GRM8: variants seen among roughly 807,000 people sequenced by gnomAD.
The protein encoded by GRM8 is metabotropic glutamate receptor 8.
A neutral mutation model predicts 87.2 loss-of-function variants in GRM8; 47 were observed. The ratio of observed to expected loss-of-function variants is 0.54; its 90% CI spans 0.43 to 0.69. The LOEUF (loss-of-function observed/expected upper bound fraction) is 0.69, where lower values mean the gene tolerates loss of function less well. GRM8 is among the 30% of genes least tolerant of loss of function. The probability of loss-of-function intolerance (pLI) is 0.00; values close to 1 mark genes in which losing one functional copy is unlikely to be tolerated. For synonymous variants in GRM8, 396 were observed against 404.5 expected, an observed-to-expected ratio of 0.98 and a Z score of 0.25; for missense variants, 1,019 against 1,139.2, an observed-to-expected ratio of 0.89 and a Z score of 1.52.
At chr7:126,758,828 G>C (rs1294909111) in intron 7 of GRM8, among the ~76,000 whole-genome samples, 1 of 152,042 alleles carries the variant, frequency 6.6e-6, no homozygotes, top group African/African-American at 2.4e-5. Context: ...AATCCCTTAA[G>C]CATAGTAATT....
chr7:126,744,363 T>C (rs1815382508), intron 7 of GRM8, among the ~76,000 whole-genome samples: 1 of 152,116 alleles, frequency 6.6e-6, no homozygotes, highest in South Asian at 2.1e-4. Flanking sequence ...CAGAATTTTC[T>C]GCCAATGATA....
intron 2 of GRM8, among the ~76,000 whole-genome samples, chr7:127,240,556 G>C (rs1798233065): frequency 6.6e-6 from 1 of 152,144 alleles, no homozygotes; most frequent in Non-Finnish European, 1.5e-5. Flanking sequence ...GGATTCACAG[G>C]AATTACAATG....
chr7:126,796,961 G>A (rs1219906570), intron 6 of GRM8, among the ~76,000 whole-genome samples: 4 of 151,950 alleles, frequency 2.6e-5, no homozygotes, highest in Non-Finnish European at 2.9e-5. Flanking sequence ...AAATATACAC[G>A]ATGCCCAGTT....
intron 7 of GRM8, among the ~76,000 whole-genome samples, chr7:126,665,965 T>C (rs1585432844): frequency 1.3e-5 from 2 of 152,062 alleles, no homozygotes; most frequent in East Asian, 3.9e-4. Flanking sequence ...AGAGGAAACA[T>C]GGGTTTTTAA....
In GRM8 at chr7:126,846,864, G is replaced by A. The variant is rs138052632; in HGVS notation, c.1156+55678C>T. On this transcript the variant is annotated intron_variant, in intron 6 of 10. Coordinates refer to ENST00000339582, the MANE Select transcript of GRM8 (RefSeq NM_000845.3). ...TCTCATGTTACCCAGTGTGGACCACGGCCAGAACACACATCAAAAACACAA... is the reference window on the plus strand; with the variant it reads ...TCTCATGTTACCCAGTGTGGACCACAGCCAGAACACACATCAAAAACACAA... Among the ~76,000 whole-genome samples, 1,066 of 152,090 alleles carry A rather than the reference G, an allele frequency of 7.0e-3. 7 individuals are homozygous for A. Among genetic ancestry groups the A allele is most frequent in the Non-Finnish European group, 0.011 (736 of 67,968 alleles).
intron 3 of GRM8, among the ~76,000 whole-genome samples, chr7:126,951,419 C>T (rs2131607086): frequency 6.6e-6 from 1 of 152,122 alleles, no homozygotes; most frequent in East Asian, 1.9e-4. Flanking sequence ...TCATATTTTT[C>T]ACATGCCCCT....
At chr7:126,498,214 T>C (rs751753851) in intron 9 of GRM8, among the ~76,000 whole-genome samples, 1 of 151,952 alleles carries the variant, frequency 6.6e-6, no homozygotes, top group Non-Finnish European at 1.5e-5. Context: ...AAGCTGCAAG[T>C]ACTTTAAGAA....
At chr7:126,633,610 TA>T (rs1341735705) in intron 7 of GRM8, among the ~76,000 whole-genome samples, 1 of 152,176 alleles carries the variant, frequency 6.6e-6, no homozygotes, top group Non-Finnish European at 1.5e-5. Flanking sequence ...TTATATCATT[TA>T]ATCTTAAATG....
At chr7:126,820,204 T>A (rs946098694) in intron 6 of GRM8, among the ~76,000 whole-genome samples, 3 of 152,210 alleles carry the variant, frequency 2.0e-5, no homozygotes, top group Admixed American at 1.3e-4. Flanking sequence ...ATAAAATATT[T>A]GAAATACACC....
intron 5 of GRM8, among the ~76,000 whole-genome samples, chr7:126,903,635 GTATATATATAGGTATATGTGTA>G (rs1802343508): frequency 1.1e-5 from 1 of 91,240 alleles, no homozygotes; most frequent in Middle Eastern, 6.2e-3. Flanking sequence ...ATGTATATGT[GTATATATATAGGTATATGTGTA>G]TATATATATG....
intron 6 of GRM8, chr7:126,869,126 C>A (rs1332725997): frequency 6.6e-6 from 1 of 152,144 alleles, no homozygotes; most frequent in Non-Finnish European, 1.5e-5. Flanking sequence ...TGTCAATAAA[C>A]CATTTTCTTT....
chr7:126,492,554 T>G (rs1440932622), intron 9 of GRM8, among the ~76,000 whole-genome samples: 1 of 152,096 alleles, frequency 6.6e-6, no homozygotes, highest in Non-Finnish European at 1.5e-5. Context: ...GTTTTCTGTC[T>G]CTGAAACTTT....
At chr7:126,487,138 C>A (rs1252634730) in intron 9 of GRM8, among the ~76,000 whole-genome samples, 1 of 151,870 alleles carries the variant, frequency 6.6e-6, no homozygotes, top group African/African-American at 2.4e-5. Context: ...TGAGGAGTGG[C>A]TTCTTTTTTT....
intron 6 of GRM8, among the ~76,000 whole-genome samples, chr7:126,874,027 T>C (rs1476180633): frequency 6.6e-6 from 1 of 152,070 alleles, no homozygotes; most frequent in East Asian, 1.9e-4. Context: ...CCTGCATACA[T>C]TTTTGTTTCT....
chr7:127,092,917 A>T (rs181793755), intron 3 of GRM8, among the ~76,000 whole-genome samples: 1 of 152,218 alleles, frequency 6.6e-6, no homozygotes, highest in Admixed American at 6.5e-5. Flanking sequence ...CTCCCAAACA[A>T]CTGCACCTGG....
chr7:127,228,293 G>T (rs1260667430), intron 2 of GRM8: 1 of 152,140 alleles, frequency 6.6e-6, no homozygotes, highest in Non-Finnish European at 1.5e-5. Flanking sequence ...ATAAGATCAG[G>T]CGTGTTACAT....
intron 2 of GRM8, among the ~76,000 whole-genome samples, chr7:127,230,587 T>C (rs1432956354): frequency 6.6e-6 from 1 of 152,082 alleles, no homozygotes; most frequent in African/African-American, 2.4e-5. Flanking sequence ...ATCCTAACCC[T>C]CATTGTGATG....
Position 126,788,420 on chromosome 7 carries a change from A to AACAAAAAAAAAAAAAAC in GRM8, c.1157-18356_1157-18355insGTTTTTTTTTTTTTTGT, listed in dbSNP as rs1554492201. ...GCAAGACTCCATCTCAAAAAAAAAA[A>AACAAAAAAAAAAAAAAC]AAACCCTTTCAGATATCTTTAACAT... is the stretch of plus-strand genomic sequence containing the variant. On this transcript the variant is annotated intron_variant, in intron 6 of 10. Transcript: ENST00000339582. Among the ~76,000 whole-genome samples, 18 of 81,134 alleles carry AACAAAAAAAAAAAAAAC rather than the reference A, an allele frequency of 2.2e-4. 1 individual carries two copies. Among genetic ancestry groups the AACAAAAAAAAAAAAAAC allele is most frequent in the African/African-American group, 7.8e-4 (17 of 21,824 alleles). 53.2% of individuals were successfully genotyped at this position (81,134 alleles called of 152,430 possible). A position where few individuals can be genotyped will look rare whatever the true frequency, so the allele number is the denominator to read the frequency against.
chr7:126,747,792 T>C (rs555319363), intron 7 of GRM8, among the ~76,000 whole-genome samples: 19 of 152,086 alleles, frequency 1.2e-4, no homozygotes, highest in African/African-American at 4.6e-4. Flanking sequence ...CAAATACAAC[T>C]GAAGAATTAT....
Sources: allele counts gnomAD v4.1 joint callset (sites outside exome capture counted in the v4.1 genomes callset), GRCh38; gene constraint gnomAD v4.1.1; transcripts MANE v1.5; gene names NCBI Gene and HGNC (gene_info 2026-07-23, HGNC 2026-07-21).